The following DNAH8 variants were observed in gnomAD, a reference collection of about 807,000 sequenced individuals.
DNAH8 encodes axonemal beta dynein heavy chain 8.
Under a neutral mutation model 562.1 loss-of-function variants are expected in DNAH8, and 382 were observed. The ratio of observed to expected loss-of-function variants is 0.68; its 90% CI spans 0.63 to 0.74. The LOEUF (loss-of-function observed/expected upper bound fraction) is 0.74, where lower values mean the gene tolerates loss of function less well. Ranked by LOEUF, DNAH8 falls within the 30% of genes least tolerant of loss-of-function variation. DNAH8 has a pLI of 0.00. For missense variants in DNAH8, 5,203 were observed against 5,620.4 expected (o/e 0.93, Z 2.37); for synonymous variants, 1,881 against 1,919.4 (o/e 0.98, Z 0.52).
At chr6:38,940,589 G>A (rs1411769670) in intron 79 of DNAH8, among the ~76,000 whole-genome samples, 1 of 152,122 alleles carries the variant, frequency 6.6e-6, no homozygotes, top group Non-Finnish European at 1.5e-5. Flanking sequence ...TAACTACTAT[G>A]GCAGAGGGGC....
In DNAH8 at chr6:38,734,643, C is replaced by T. The variant is rs150392690; in HGVS notation, c.762+18C>T. The T allele has an allele frequency of 4.5e-5, 73 of 1,606,504 alleles. No homozygotes were observed. The Admixed American group carries it at 1.0e-3, about 23-fold the overall frequency. ...TTCAAGAGGTATGTTTAAAAATTTC[C>T]CCAAATACATAGTTAAACATTGAAT... On this transcript the variant is annotated intron_variant, in intron 5 of 92. Coordinates refer to ENST00000327475, the MANE Select transcript of DNAH8 (RefSeq NM_001206927.2).
chr6:39,004,493 ACT>A (rs954160188), intron 88 of DNAH8, among the ~76,000 whole-genome samples: 1 of 152,012 alleles, frequency 6.6e-6, no homozygotes, highest in African/African-American at 2.4e-5. Context: ...TGGATGATAA[ACT>A]CTTCTATTTT....
chr6:38,815,078 G>T (rs1471053417), intron 25 of DNAH8, among the ~76,000 whole-genome samples: 1 of 152,216 alleles, frequency 6.6e-6, no homozygotes, highest in Non-Finnish European at 1.5e-5. Flanking sequence ...AATCTTGGTG[G>T]TGTAGCTTCT....
Position 38,923,163 on chromosome 6 carries a change from G to T in DNAH8, c.10768G>T (p.Glu3590Ter). Residue 3590 changes from glutamate (E) to a stop codon, truncating the protein, a stop_gained, in exon 72 of 93, where the codon GAA becomes TAA. Coordinates refer to ENST00000327475, the MANE Select transcript of DNAH8 (RefSeq NM_001206927.2). LOFTEE classifies it high-confidence loss of function. ...AATCCGGTGGACCCAGCAAAGTAAA[G>T]AATTCAAAGCTCAGATTAATAGGTG... ...EKIRWTQQSK[E>*]FKAQINRLVG... The T allele has an allele frequency of 6.2e-7, 1 of 1,613,620 alleles. No individual in the cohort carries two copies. The highest frequency in any genetic ancestry group is 1.1e-5 in the South Asian group (1 of 91,056).
chr6:38,828,644 C>T (rs1773573463), intron 30 of DNAH8, among the ~76,000 whole-genome samples: 2 of 152,180 alleles, frequency 1.3e-5, no homozygotes, highest in African/African-American at 4.8e-5. Flanking sequence ...ATGATGTTCA[C>T]ACGACAAAAT....
intron 91 of DNAH8, among the ~76,000 whole-genome samples, chr6:39,022,146 A>T (rs1231373899): frequency 6.6e-6 from 1 of 152,198 alleles, no homozygotes; most frequent in Non-Finnish European, 1.5e-5. Flanking sequence ...GCTGGAGGGG[A>T]GATGAAAAAA....
chr6:38,983,449 G>A (rs541133979), intron 86 of DNAH8, among the ~76,000 whole-genome samples: 1 of 152,268 alleles, frequency 6.6e-6, no homozygotes, highest in South Asian at 2.1e-4. Context: ...CTGATGAAAA[G>A]TTATATTCTA....
At chr6:38,782,886 A>G (rs898477177) in intron 16 of DNAH8, 118 bp from the exon 17 acceptor site, 24 of 929,074 alleles carry the variant, frequency 2.6e-5, no homozygotes, top group Non-Finnish European at 2.9e-5. Flanking sequence ...ACTGTGAGGC[A>G]GAATCTAAAC....
At chr6:38,788,390 C>A (rs935584806) in intron 18 of DNAH8, among the ~76,000 whole-genome samples, 1 of 151,950 alleles carries the variant, frequency 6.6e-6, no homozygotes, top group African/African-American at 2.4e-5. Flanking sequence ...GACCTTGTGA[C>A]CCACCCACCT....
At chr6:38,835,654 T>A (rs1774215523) in intron 32 of DNAH8, among the ~76,000 whole-genome samples, 1 of 152,016 alleles carries the variant, frequency 6.6e-6, no homozygotes. Context: ...GAGAGGAAAC[T>A]AGTAGGGCAA....
chr6:39,029,003 G>A (rs1245414738), intron 92 of DNAH8, among the ~76,000 whole-genome samples: 1 of 152,110 alleles, frequency 6.6e-6, no homozygotes, highest in African/African-American at 2.4e-5. Flanking sequence ...ATGGAAAAAC[G>A]GTCACCATCC....
Position 38,949,500 on chromosome 6 carries a change from C to G in DNAH8, c.12178C>G (p.Pro4060Ala). 6.2e-7 allele frequency: 1 copy of G among 1,613,404 alleles called. No homozygotes were observed. Residue 4060 changes from proline (P) to alanine (A), a missense_variant, in exon 81 of 93, where the codon CCA (proline) becomes GCA (alanine). Coordinates refer to ENST00000327475, the MANE Select transcript of DNAH8 (RefSeq NM_001206927.2). ...GWKSWFDKDA[P>A]EEEIIPDGYN... ...GAAAAGCTGGTTTGATAAAGATGCT[C>G]CAGAGGAGGAAATTATCCCTGATGG... is the stretch of plus-strand genomic sequence containing the variant.
chr6:39,004,600 A>C (rs977316479), intron 88 of DNAH8, among the ~76,000 whole-genome samples: 2 of 152,220 alleles, frequency 1.3e-5, no homozygotes, highest in South Asian at 2.1e-4. Context: ...TCAAGTGGAC[A>C]ATAAATGATT....
chr6:38,715,326 G>T lies in DNAH8; in HGVS notation c.-124G>T, dbSNP rs748700198. 6.6e-6 allele frequency: 1 copy of T among 152,274 alleles called. No homozygotes were observed. The highest frequency in any genetic ancestry group is 2.4e-5 in the African/African-American group (1 of 41,458). The allele number at this position is 152,274 out of a possible 1,614,324, so 9.4% of individuals were successfully genotyped here. On this transcript the variant is annotated 5_prime_UTR_variant, in exon 1 of 93. The change creates a new upstream start codon in the 5' untranslated region. Coordinates refer to ENST00000327475, the MANE Select transcript of DNAH8 (RefSeq NM_001206927.2). ...CGTCAGCCTCGTTCCGGGCCGCGGA[G>T]GCCGGAGCAGCTCCCCCGGGGCAGC...
chr6:38,750,807 T>C (rs16890983), intron 9 of DNAH8, among the ~76,000 whole-genome samples: 1 of 152,170 alleles, frequency 6.6e-6, no homozygotes, highest in South Asian at 2.1e-4. Context: ...CTGACTTGTA[T>C]AATTAATGCA....
At chr6:38,772,052 G>A (rs1424373960) in intron 12 of DNAH8, among the ~76,000 whole-genome samples, 3 of 139,788 alleles carry the variant, frequency 2.1e-5, no homozygotes, top group Non-Finnish European at 3.1e-5. Context: ...TTTTTGAGAC[G>A]GAGTTTTGCT....
At position 38,997,026 on chromosome 6, in the gene DNAH8, C is replaced by T. The variant is rs114616017; in HGVS notation, c.13214+6854C>T. Among the ~76,000 whole-genome samples the T allele has an allele frequency of 2.0e-3, 307 of 152,296 alleles. 1 individual carries two copies. The highest frequency in any genetic ancestry group is 5.7e-3 in the African/African-American group (239 of 41,580). On this transcript the variant is annotated intron_variant, in intron 88 of 92. Transcript: ENST00000327475. ...GGCAGGCCTGTAAGACCTTCGTCCTCCTCTGTTCTCTCTTCATCCTTAACT... is the reference window on the plus strand; with the variant it reads ...GGCAGGCCTGTAAGACCTTCGTCCTTCTCTGTTCTCTCTTCATCCTTAACT...
intron 21 of DNAH8, among the ~76,000 whole-genome samples, chr6:38,800,564 T>C (rs1024487314): frequency 1.3e-5 from 2 of 152,238 alleles, no homozygotes; most frequent in Admixed American, 6.5e-5. Context: ...TCCCTCAGGC[T>C]GGAGTGCAGT....
rs569041243 is a variant in DNAH8 at position 38,926,411 on chromosome 6, C to A, written c.11118+201C>A. On this transcript the variant is annotated intron_variant, in intron 74 of 92. Coordinates refer to ENST00000327475, the MANE Select transcript of DNAH8 (RefSeq NM_001206927.2). ...GTACTCTCTTTGGATCCTCCCTCCC[C>A]CTCTCTTTGTACATTTCCCTGACTC... Among the ~76,000 whole-genome samples, 17 of 151,852 alleles carry A rather than the reference C, an allele frequency of 1.1e-4. No homozygotes were observed. In the South Asian group the frequency reaches 3.5e-3, roughly 32 times the overall value.
Sources: gnomAD v4.1 joint callset for allele counts (sites outside exome capture counted in the v4.1 genomes callset) on GRCh38, gnomAD v4.1.1 for gene constraint, MANE v1.5 for transcripts, NCBI Gene and HGNC (gene_info 2026-07-23, HGNC 2026-07-21) for gene names.